Variants in NRXN1 observed in about 807,000 individuals in gnomAD.
NRXN1 encodes neurexin 1, also known as neurexin-1.
A neutral mutation model predicts 150.9 loss-of-function variants in NRXN1; 39 were observed. That is an observed-to-expected ratio of 0.26 (90% confidence interval 0.20 to 0.34). The LOEUF (loss-of-function observed/expected upper bound fraction) is 0.34. Ranked by LOEUF, NRXN1 falls within the 10% of genes least tolerant of loss-of-function variation. The pLI is 1.00. For missense variants in NRXN1, 1,815 were observed against 1,949.9 expected (o/e 0.93, Z 1.30); for synonymous variants, 924 against 757.0 (o/e 1.22, Z -3.62).
At chr2:50,503,285 G>T (rs2092046798) in intron 13 of NRXN1, among the ~76,000 whole-genome samples, 1 of 150,530 alleles carries the variant, frequency 6.6e-6, no homozygotes, top group Non-Finnish European at 1.5e-5. Flanking sequence ...TCTAACCTGG[G>T]TGACAGAATG....
chr2:50,103,094 G>GTGTC (rs1222085971), intron 18 of NRXN1, among the ~76,000 whole-genome samples: 2 of 151,972 alleles, frequency 1.3e-5, no homozygotes, highest in African/African-American at 4.8e-5. Flanking sequence ...TTATTCCTAA[G>GTGTC]TGTCATTCAT....
chr2:50,754,584 A>C (rs1452550943), intron 5 of NRXN1, among the ~76,000 whole-genome samples: 4 of 151,842 alleles, frequency 2.6e-5, no homozygotes, highest in Non-Finnish European at 5.9e-5. Context: ...CTTTAAATAT[A>C]TATCAGGCTA....
intron 5 of NRXN1, chr2:50,631,004 T>A (rs1573885247): frequency 5.0e-6 from 2 of 397,702 alleles, no homozygotes; most frequent in Non-Finnish European, 1.0e-5. Context: ...AATTAAATCC[T>A]CAGTCCTTAA....
At chr2:50,885,624 A>C (rs1680116843) in intron 5 of NRXN1, among the ~76,000 whole-genome samples, 1 of 151,494 alleles carries the variant, frequency 6.6e-6, no homozygotes, top group Admixed American at 6.6e-5. Context: ...CCCAGGAGAT[A>C]TGAAGTCATA....
intron 5 of NRXN1, among the ~76,000 whole-genome samples, chr2:50,804,136 G>A (rs988080027): frequency 2.6e-5 from 4 of 152,074 alleles, no homozygotes; most frequent in African/African-American, 9.7e-5. Flanking sequence ...TTCTCGAAAT[G>A]AAATCAATCT....
intron 17 of NRXN1, among the ~76,000 whole-genome samples, chr2:50,385,261 GT>G (rs2103732327): frequency 6.6e-6 from 1 of 152,300 alleles, no homozygotes; most frequent in Admixed American, 6.5e-5. Flanking sequence ...GTGAAGGAAT[GT>G]TTGCATTGCT....
At chr2:50,320,132 T>G (rs1488565935) in intron 17 of NRXN1, among the ~76,000 whole-genome samples, 1 of 151,538 alleles carries the variant, frequency 6.6e-6, no homozygotes, top group Non-Finnish European at 1.5e-5. Flanking sequence ...AAGCAAAAAG[T>G]TTCCACAGCC....
chr2:50,617,582 C>G (rs1450852054), intron 8 of NRXN1, among the ~76,000 whole-genome samples: 1 of 152,188 alleles, frequency 6.6e-6, no homozygotes, highest in African/African-American at 2.4e-5. Context: ...TCCTCAGACA[C>G]ACACCCCAGA....
intron 17 of NRXN1, among the ~76,000 whole-genome samples, chr2:50,425,526 G>T (rs1044590831): frequency 6.6e-6 from 1 of 152,106 alleles, no homozygotes; most frequent in Middle Eastern, 3.2e-3. Context: ...AGGCAGAGAT[G>T]GAAGAGGTGG....
intron 21 of NRXN1, among the ~76,000 whole-genome samples, chr2:50,003,032 G>C (rs182154120): frequency 1.3e-5 from 2 of 152,226 alleles, no homozygotes; most frequent in East Asian, 1.9e-4. Context: ...TGGGCCAAAA[G>C]ATTTATAGGA....
chr2:50,319,739 A>G (rs1190606103), intron 17 of NRXN1, among the ~76,000 whole-genome samples: 2 of 152,042 alleles, frequency 1.3e-5, no homozygotes, highest in East Asian at 3.9e-4. Flanking sequence ...ACCTCAAATA[A>G]TGCAACAAAG....
intron 2 of NRXN1, among the ~76,000 whole-genome samples, chr2:50,959,212 T>A (rs1413083952): frequency 6.6e-6 from 1 of 152,064 alleles, no homozygotes. Context: ...GTTCTTAAAA[T>A]GTTAAATATA....
At chr2:50,120,369 CA>C (rs1191017055) in intron 18 of NRXN1, among the ~76,000 whole-genome samples, 1 of 151,976 alleles carries the variant, frequency 6.6e-6, no homozygotes, top group African/African-American at 2.4e-5. Context: ...TAAATGAATG[CA>C]TATATTCTCA....
chr2:50,522,570 A>G (rs1191902603), intron 12 of NRXN1, among the ~76,000 whole-genome samples: 1 of 152,134 alleles, frequency 6.6e-6, no homozygotes, highest in Non-Finnish European at 1.5e-5. Flanking sequence ...AAAGCAATCT[A>G]CTTTTCAACC....
Position 49,918,967 on chromosome 2 carries a change from A to C in NRXN1, c.*2977T>G, listed in dbSNP as rs1220588697. On this transcript the variant is annotated 3_prime_UTR_variant, in exon 23 of 23. Coordinates refer to ENST00000401669, the MANE Select transcript of NRXN1 (RefSeq NM_001330078.2). ...CAACAGAAAAACAAACAAACAAAAA[A>C]AGAAGAAGAAAACCCCTTTGATACC... 6.6e-6 allele frequency: 1 copy of C among 152,144 alleles called. No individual in the cohort carries two copies. The highest frequency in any genetic ancestry group is 2.4e-5 in the African/African-American group (1 of 41,460). 9.4% of individuals were successfully genotyped at this position (152,144 alleles called of 1,614,324 possible).
At chr2:50,956,212 T>C (rs1692258140) in intron 2 of NRXN1, among the ~76,000 whole-genome samples, 1 of 152,108 alleles carries the variant, frequency 6.6e-6, no homozygotes, top group Non-Finnish European at 1.5e-5. Flanking sequence ...ATTGTTATAA[T>C]TGGTCTGTTT....
chr2:50,376,498 G>A (rs754831765), intron 17 of NRXN1, among the ~76,000 whole-genome samples: 5 of 152,072 alleles, frequency 3.3e-5, no homozygotes, highest in Non-Finnish European at 5.9e-5. Context: ...TGGGTGTACT[G>A]GGTTTTGATG....
chr2:50,024,787 G>T (rs1457290750), intron 21 of NRXN1, among the ~76,000 whole-genome samples: 1 of 151,998 alleles, frequency 6.6e-6, no homozygotes, highest in East Asian at 1.9e-4. Context: ...ACTACTTCTT[G>T]AATTTTTTTT....
At chr2:50,039,599 T>TATA (rs1690610124) in intron 21 of NRXN1, among the ~76,000 whole-genome samples, 1 of 152,174 alleles carries the variant, frequency 6.6e-6, no homozygotes. Context: ...TAGCTCTCCA[T>TATA]ACTCTGTTTA....
Sources: gnomAD v4.1 joint callset for allele counts (sites outside exome capture counted in the v4.1 genomes callset) on GRCh38, gnomAD v4.1.1 for gene constraint, MANE v1.5 for transcripts, NCBI Gene and HGNC (gene_info 2026-07-23, HGNC 2026-07-21) for gene names.